The following SPATS2L variants were observed in gnomAD, a reference collection of about 807,000 sequenced individuals.
SPATS2L encodes SPATS2-like protein.
In SPATS2L, 30 loss-of-function variants were observed where a neutral mutation model predicts 59.6. The observed-to-expected ratio is 0.50, with a 90% CI of 0.38 to 0.68. SPATS2L has a LOEUF of 0.68. SPATS2L is among the 30% of genes least tolerant of loss of function. The pLI is 0.00. For synonymous variants in SPATS2L, 252 were observed against 263.5 expected (o/e 0.96, Z 0.42); for missense variants, 615 against 700.0 (o/e 0.88, Z 1.37).
intron 2 of SPATS2L, among the ~76,000 whole-genome samples, chr2:200,335,284 G>A (rs369632222): frequency 1.3e-5 from 2 of 151,944 alleles, no homozygotes; most frequent in African/African-American, 2.4e-5. Context: ...TACCTGAGGC[G>A]GGAGAATGGT....
chr2:200,471,886 G>C (rs573312897), intron 11 of SPATS2L, among the ~76,000 whole-genome samples: 1 of 152,314 alleles, frequency 6.6e-6, no homozygotes, highest in South Asian at 2.1e-4. Flanking sequence ...TTCAAAAATT[G>C]GTGACAGTTT....
At chr2:200,316,545 G>A (rs1044170099) in intron 1 of SPATS2L, among the ~76,000 whole-genome samples, 3 of 152,162 alleles carry the variant, frequency 2.0e-5, no homozygotes, top group Non-Finnish European at 4.4e-5. Flanking sequence ...TAGCGACTTC[G>A]CGGACCAACC....
chr2:200,335,731 A>G (rs1417075863), intron 2 of SPATS2L, among the ~76,000 whole-genome samples: 2 of 152,224 alleles, frequency 1.3e-5, no homozygotes, highest in African/African-American at 2.4e-5. Context: ...TATGCACCCC[A>G]GGGAGCACTT....
intron 6 of SPATS2L, among the ~76,000 whole-genome samples, chr2:200,430,307 CT>C (rs1354162474): frequency 1.3e-5 from 2 of 151,878 alleles, no homozygotes; most frequent in Non-Finnish European, 2.9e-5. Context: ...TGCTATGTTG[CT>C]TTTTAAAGAT....
chr2:200,447,919 G>C (rs1422349493), intron 8 of SPATS2L, among the ~76,000 whole-genome samples: 1 of 152,204 alleles, frequency 6.6e-6, no homozygotes, highest in Non-Finnish European at 1.5e-5. Flanking sequence ...GATTAAACAA[G>C]TAGTGAAGAC....
intron 8 of SPATS2L, among the ~76,000 whole-genome samples, chr2:200,454,017 G>T (rs953968127): frequency 2.0e-5 from 3 of 152,052 alleles, no homozygotes; most frequent in Non-Finnish European, 2.9e-5. Flanking sequence ...TTCTGCAATT[G>T]TTGGCTTGGC....
At chr2:200,363,817 A>G (rs1413402316) in intron 2 of SPATS2L, among the ~76,000 whole-genome samples, 1 of 152,200 alleles carries the variant, frequency 6.6e-6, no homozygotes, top group Non-Finnish European at 1.5e-5. Flanking sequence ...CAAAGCTTAA[A>G]GCCTTGGATC....
In SPATS2L at chr2:200,325,962, C is replaced by T. The variant is rs185352564; in HGVS notation, c.-72-3469C>T. ...TTGGGCTCCTACTCTGTGCTAAGCA[C>T]TTAAAATATTTCACCTCTCACAGGC... On this transcript the variant is annotated intron_variant, in intron 1 of 12. Transcript: ENST00000409140. 6.6e-5 allele frequency among the ~76,000 whole-genome samples: 10 copies of T among 152,308 alleles called. No homozygotes were observed. The East Asian group carries it at 1.9e-3, about 29-fold the overall frequency.
chr2:200,389,546 A>C, intron 3 of SPATS2L: 1 of 368,934 alleles, frequency 2.7e-6, no homozygotes, highest in South Asian at 5.4e-5. Flanking sequence ...CATTTTACAG[A>C]GGTGGAAATT....
At chr2:200,353,487 C>A (rs925409710) in intron 2 of SPATS2L, among the ~76,000 whole-genome samples, 1 of 152,138 alleles carries the variant, frequency 6.6e-6, no homozygotes, top group African/African-American at 2.4e-5. Flanking sequence ...GTCACTACCC[C>A]TGAAGCAGAA....
chr2:200,401,616 C>G (rs1201945698), intron 3 of SPATS2L, among the ~76,000 whole-genome samples: 1 of 152,166 alleles, frequency 6.6e-6, no homozygotes, highest in Non-Finnish European at 1.5e-5. Context: ...TCTCCTTTGC[C>G]TCATCCACTG....
intron 3 of SPATS2L, among the ~76,000 whole-genome samples, chr2:200,398,910 A>G (rs1437133094): frequency 6.6e-6 from 1 of 152,198 alleles, no homozygotes; most frequent in Non-Finnish European, 1.5e-5. Context: ...ACCATCTTAA[A>G]GGTCCATGTG....
At chr2:200,352,924 T>C (rs1448728779) in intron 2 of SPATS2L, among the ~76,000 whole-genome samples, 1 of 152,168 alleles carries the variant, frequency 6.6e-6, no homozygotes, top group South Asian at 2.1e-4. Flanking sequence ...CACAGTGAAC[T>C]TTCTAGTGTT....
chr2:200,441,921 C>T (rs1271889146), intron 8 of SPATS2L, among the ~76,000 whole-genome samples: 2 of 152,144 alleles, frequency 1.3e-5, no homozygotes, highest in Non-Finnish European at 2.9e-5. Flanking sequence ...GTGTGTAAAA[C>T]TAAGAATTAA....
At chr2:200,389,065 T>C (rs1004521049) in intron 2 of SPATS2L, among the ~76,000 whole-genome samples, 158 bp from the exon 3 acceptor site, 1 of 152,248 alleles carries the variant, frequency 6.6e-6, no homozygotes, top group African/African-American at 2.4e-5. Flanking sequence ...TTTTAGAACA[T>C]GTCTAAGTCA....
rs1362170406 is a variant in SPATS2L at position 200,379,911 on chromosome 2, A to G, written c.-22-9312A>G. Among the ~76,000 whole-genome samples the G allele has an allele frequency of 2.0e-5, 3 of 152,156 alleles. No homozygotes were observed. The East Asian group carries it at 5.8e-4, about 29-fold the overall frequency. ...CGAGTATAATTGAGTTGCTGATACAAGTGGGTACTTGCACCAGGTCCGGGT... is the reference window on the plus strand; with the variant it reads ...CGAGTATAATTGAGTTGCTGATACAGGTGGGTACTTGCACCAGGTCCGGGT... On this transcript the variant is annotated intron_variant, in intron 2 of 12. Coordinates refer to ENST00000409140, the MANE Select transcript of SPATS2L (RefSeq NM_001100423.2).
chr2:200,426,117 G>C (rs896012798), intron 6 of SPATS2L, among the ~76,000 whole-genome samples: 1 of 106,188 alleles, frequency 9.4e-6, no homozygotes, highest in African/African-American at 3.6e-5. Context: ...TTGAGATGGA[G>C]TCTCACTGTG....
At chr2:200,358,408 G>T (rs1489923003) in intron 2 of SPATS2L, among the ~76,000 whole-genome samples, 1 of 152,076 alleles carries the variant, frequency 6.6e-6, no homozygotes, top group Non-Finnish European at 1.5e-5. Context: ...TATTCATTTG[G>T]CTAAATTATC....
chr2:200,400,339 G>A (rs554523352), intron 3 of SPATS2L, among the ~76,000 whole-genome samples: 2 of 152,312 alleles, frequency 1.3e-5, no homozygotes, highest in South Asian at 4.1e-4. Flanking sequence ...AGTCTAACTG[G>A]TAGTTCTGGG....
Sources: gnomAD v4.1 joint callset for allele counts (sites outside exome capture counted in the v4.1 genomes callset) on GRCh38, gnomAD v4.1.1 for gene constraint, MANE v1.5 for transcripts, NCBI Gene and HGNC (gene_info 2026-07-23, HGNC 2026-07-21) for gene names.